The following MLLT1 variants were observed in gnomAD, a reference collection of about 807,000 sequenced individuals.
MLLT1 encodes MLLT1 super elongation complex subunit.
In MLLT1, 11 loss-of-function variants were observed where a neutral mutation model predicts 55.1. That is an observed-to-expected ratio of 0.20 (90% confidence interval 0.13 to 0.33). The LOEUF (loss-of-function observed/expected upper bound fraction) is 0.33, where lower values mean the gene tolerates loss of function less well. MLLT1 is among the 10% of genes least tolerant of loss of function. The pLI is 1.00. For missense variants in MLLT1, 536 were observed against 760.6 expected, an observed-to-expected ratio of 0.70 and a Z score of 3.47; for synonymous variants, 323 against 320.1, an observed-to-expected ratio of 1.01 and a Z score of -0.10.
intron 3 of MLLT1, among the ~76,000 whole-genome samples, chr19:6,239,750 A>C (rs979113436): frequency 2.0e-5 from 3 of 151,692 alleles, no homozygotes; most frequent in Admixed American, 6.6e-5. Flanking sequence ...TTACACACAC[A>C]CCTATGTACA....
chr19:6,213,509 C>G, intron 10 of MLLT1, 101 bp from the exon 11 acceptor site: 4 of 1,146,346 alleles, frequency 3.5e-6, no homozygotes, highest in Non-Finnish European at 5.2e-6. Context: ...CAGCACAGGA[C>G]AGAGGTAGCC....
chr19:6,211,672 T>C lies in MLLT1; in HGVS notation c.*1370A>G, dbSNP rs1055457489. The C allele has an allele frequency of 1.6e-5, 17 of 1,063,762 alleles. No individual in the cohort carries two copies. The highest frequency in any genetic ancestry group is 1.8e-5 in the Non-Finnish European group (16 of 878,444). The allele number at this position is 1,063,762 out of a possible 1,614,324, so 65.9% of individuals were successfully genotyped here. On this transcript the variant is annotated 3_prime_UTR_variant, in exon 12 of 12. Coordinates refer to ENST00000252674, the MANE Select transcript of MLLT1 (RefSeq NM_005934.4). This position sits in a 1 kb window ranked among gnomAD's most constrained non-coding sequence, Gnocchi z 4.6. ...TTGAAAGGACTTGAAAGTCAGGGGG[T>C]TGAGAGGACTGGAGGCGCCTCGAGT... is the stretch of plus-strand genomic sequence containing the variant.
At chr19:6,236,740 G>T (rs537070735) in intron 3 of MLLT1, among the ~76,000 whole-genome samples, 1 of 152,180 alleles carries the variant, frequency 6.6e-6, no homozygotes, top group East Asian at 1.9e-4. Flanking sequence ...GGCTACCCCT[G>T]GAAACCAGCC....
rs11883083 is a variant in MLLT1, at chr19:6,256,929, G to A, written c.276+5299C>T. On this transcript the variant is annotated intron_variant, in intron 3 of 11. Transcript: ENST00000252674. The surrounding 1 kb of genome is among the most constrained non-coding windows in gnomAD (Gnocchi z 4.1). ...CAACGCTCTAACACCACTCGATGGC[G>A]AAAGAACAGTCTCTTCAGTGAACGG... is the stretch of plus-strand genomic sequence containing the variant. 0.2 allele frequency among the ~76,000 whole-genome samples: 29,849 copies of A among 152,112 alleles called. 3,888 individuals are homozygous for A. Among genetic ancestry groups the A allele is most frequent in the Non-Finnish European group, 0.3 (20,326 of 67,972 alleles).
At chr19:6,268,313 T>C (rs529401781) in intron 2 of MLLT1, among the ~76,000 whole-genome samples, 1 of 152,322 alleles carries the variant, frequency 6.6e-6, no homozygotes, top group South Asian at 2.1e-4. Flanking sequence ...AGACAGTGGA[T>C]AAAAGGGGTA....
At chr19:6,237,955 T>A (rs2091079351) in intron 3 of MLLT1, among the ~76,000 whole-genome samples, 1 of 151,926 alleles carries the variant, frequency 6.6e-6, no homozygotes, top group East Asian at 1.9e-4. Context: ...AAATTTTTTT[T>A]AATTAGCTGA....
intron 3 of MLLT1, among the ~76,000 whole-genome samples, chr19:6,245,921 C>T (rs533483405): frequency 1.3e-5 from 2 of 151,710 alleles, no homozygotes; most frequent in Admixed American, 1.3e-4. Flanking sequence ...AACAAAAAAC[C>T]CAAAAAGTTG....
chr19:6,279,451 G>A (rs1228885017), intron 1 of MLLT1, among the ~76,000 whole-genome samples: 2 of 152,028 alleles, frequency 1.3e-5, no homozygotes, highest in African/African-American at 2.4e-5. Flanking sequence ...GGTCCCCAGG[G>A]GCGTCCCAGG....
intron 1 of MLLT1, among the ~76,000 whole-genome samples, chr19:6,272,017 G>A (rs753660755): frequency 5.5e-4 from 84 of 152,282 alleles, no homozygotes; most frequent in Non-Finnish European, 9.3e-4. Context: ...CTCCCTCTCC[G>A]TCCCCCTCTG....
intron 3 of MLLT1, among the ~76,000 whole-genome samples, chr19:6,260,139 G>C (rs573578157): frequency 7.9e-5 from 12 of 151,714 alleles, no homozygotes; most frequent in Admixed American, 6.6e-4. Flanking sequence ...AAGCCCCCAG[G>C]ATCCCAAAAG....
chr19:6,278,542 T>G (rs947267443), intron 1 of MLLT1, among the ~76,000 whole-genome samples: 2 of 149,846 alleles, frequency 1.3e-5, no homozygotes, highest in Non-Finnish European at 2.9e-5. Flanking sequence ...GAAAGAGACA[T>G]CAGGACTCAT....
At position 6,262,337 on chromosome 19, in the gene MLLT1, C is replaced by G; in HGVS notation, c.194-27G>C. On this transcript the variant is annotated intron_variant, in intron 2 of 11. Coordinates refer to ENST00000252674, the MANE Select transcript of MLLT1 (RefSeq NM_005934.4). The surrounding 1 kb of genome is among the most constrained non-coding windows in gnomAD (Gnocchi z 4.4). ...TAAAAAGAAAAGGAAGAAACACACCCATCAGCCTCCTGCCTGTTTCAGGCC... is the reference window on the plus strand; with the variant it reads ...TAAAAAGAAAAGGAAGAAACACACCGATCAGCCTCCTGCCTGTTTCAGGCC... 6.3e-7 allele frequency: 1 copy of G among 1,596,144 alleles called. No individual in the cohort carries two copies. Among genetic ancestry groups the G allele is most frequent in the African/African-American group, 1.3e-5 (1 of 74,666 alleles).
chr19:6,230,885 C>T lies in MLLT1; in HGVS notation c.277-172G>A, dbSNP rs566200962. ...CTCCTGCCCTGCCCTTATTCAAAAT[C>T]GACCAGCTTACTATGTGCAGCTAAC... On this transcript the variant is annotated intron_variant, in intron 3 of 11. Coordinates refer to ENST00000252674, the MANE Select transcript of MLLT1 (RefSeq NM_005934.4). The surrounding 1 kb of genome is among the most constrained non-coding windows in gnomAD (Gnocchi z 9.0). Among the ~76,000 whole-genome samples the T allele has an allele frequency of 6.6e-6, 1 of 152,256 alleles. No individual in the cohort carries two copies. Among genetic ancestry groups the T allele is most frequent in the South Asian group, 2.1e-4 (1 of 4,810 alleles).
Position 6,235,844 on chromosome 19 carries a change from C to G in MLLT1, c.277-5131G>C, listed in dbSNP as rs749710950. ...CAGAGGGACATGCTGCCTTCTTCCA[C>G]GCCTCCTCCACCCAGCTCACCCCTT... On this transcript the variant is annotated intron_variant, in intron 3 of 11. Transcript: ENST00000252674. The surrounding 1 kb of genome is among the most constrained non-coding windows in gnomAD (Gnocchi z 5.5). Among the ~76,000 whole-genome samples the G allele has an allele frequency of 6.6e-6, 1 of 152,150 alleles. No homozygotes were observed. Among genetic ancestry groups the G allele is most frequent in the African/African-American group, 2.4e-5 (1 of 41,420 alleles).
In MLLT1 at chr19:6,226,318, A is replaced by G. The variant is rs2090956719; in HGVS notation, c.546+659T>C. Among the ~76,000 whole-genome samples, 6 of 152,324 alleles carry G rather than the reference A, an allele frequency of 3.9e-5. No individual in the cohort carries two copies. The South Asian group carries it at 1.2e-3, about 32-fold the overall frequency. On this transcript the variant is annotated intron_variant, in intron 5 of 11. Transcript: ENST00000252674. This position sits in a 1 kb window ranked among gnomAD's most constrained non-coding sequence, Gnocchi z 6.3. ...GAGGACTGGGGCGTGCTCAGGGGTT[A>G]AAGGGACACTGTGATGCCATCAAAG...
At chr19:6,259,813 A>C (rs947535285) in intron 3 of MLLT1, 1 of 151,582 alleles carries the variant, frequency 6.6e-6, no homozygotes, top group Non-Finnish European at 1.5e-5. Flanking sequence ...AAAAAAAAAA[A>C]AAAAAAACAG....
chr19:6,236,547 C>A (rs995948792), intron 3 of MLLT1, among the ~76,000 whole-genome samples: 2 of 152,204 alleles, frequency 1.3e-5, no homozygotes, highest in African/African-American at 4.8e-5. Context: ...GAAGGCACCC[C>A]CTGCCGGCCA....
intron 3 of MLLT1, among the ~76,000 whole-genome samples, chr19:6,244,379 C>G (rs891504189): frequency 6.6e-6 from 1 of 151,794 alleles, no homozygotes. Flanking sequence ...AAAAAAAAAC[C>G]CTCATTTGCG....
chr19:6,218,166 C>A, intron 6 of MLLT1, 125 bp from the exon 7 acceptor site: 1 of 1,369,814 alleles, frequency 7.3e-7, no homozygotes, highest in South Asian at 1.5e-5. Flanking sequence ...CCCCTAGGGT[C>A]CCAAGGGTAC....
Sources: allele counts gnomAD v4.1 joint callset (sites outside exome capture counted in the v4.1 genomes callset), GRCh38; gene constraint gnomAD v4.1.1; non-coding constraint Gnocchi (gnomAD v3.1); transcripts MANE v1.5; gene names NCBI Gene and HGNC (gene_info 2026-07-23, HGNC 2026-07-21).